The following RBMS3 variants were observed in gnomAD, a reference collection of about 807,000 sequenced individuals.
RBMS3 encodes RNA-binding motif, single-stranded-interacting protein 3.
A neutral mutation model predicts 66.8 loss-of-function variants in RBMS3; 27 were observed. The ratio of observed to expected loss-of-function variants is 0.40; its 90% confidence interval spans 0.30 to 0.56. RBMS3 has a LOEUF of 0.56. Ranked by LOEUF, RBMS3 falls within the 20% of genes least tolerant of loss-of-function variation. The pLI is 0.40. For missense variants in RBMS3, 513 were observed against 549.5 expected, an observed-to-expected ratio of 0.93 and a Z score of 0.66; for synonymous variants, 188 against 183.0, an observed-to-expected ratio of 1.03 and a Z score of -0.22.
intron 4 of RBMS3, among the ~76,000 whole-genome samples, chr3:29,621,993 A>T (rs1489703339): frequency 1.3e-5 from 2 of 152,184 alleles, no homozygotes; most frequent in Non-Finnish European, 2.9e-5. Flanking sequence ...ATGAAATAAA[A>T]AATAAGATTT....
At chr3:29,508,233 G>T (rs2044261345) in intron 3 of RBMS3, among the ~76,000 whole-genome samples, 1 of 151,978 alleles carries the variant, frequency 6.6e-6, no homozygotes, top group Non-Finnish European at 1.5e-5. Flanking sequence ...TTAAGTTCTG[G>T]GGTACATGTG....
intron 10 of RBMS3, among the ~76,000 whole-genome samples, chr3:29,919,256 C>G (rs897714420): frequency 6.6e-6 from 1 of 152,028 alleles, no homozygotes; most frequent in African/African-American, 2.4e-5. Flanking sequence ...AAGACCATTC[C>G]CATTGAAAAA....
At chr3:29,382,353 A>G (rs992887966) in intron 1 of RBMS3, among the ~76,000 whole-genome samples, 10 of 152,190 alleles carry the variant, frequency 6.6e-5, no homozygotes, top group Non-Finnish European at 1.2e-4. Flanking sequence ...CAATGCCATG[A>G]ATGCTCCCAC....
At chr3:29,345,025 A>G (rs145055580) in intron 1 of RBMS3, among the ~76,000 whole-genome samples, 16 of 152,254 alleles carry the variant, frequency 1.1e-4, no homozygotes, top group Admixed American at 3.9e-4. Context: ...CATCCTGATA[A>G]CACCATTTAG....
chr3:29,762,973 A>C lies in RBMS3; in HGVS notation c.621A>C (p.Thr207=). The C allele has an allele frequency of 6.2e-7, 1 of 1,606,172 alleles. No homozygotes were observed. Among genetic ancestry groups the C allele is most frequent in the South Asian group, 1.1e-5 (1 of 90,192 alleles). ...IQHFNGKYLK[T]PPGIPAPSEP... is the part of the protein sequence containing the mutation. Reference sequence around the variant, plus strand: ...ATTTTAATGGAAAATATCTGAAAACACCACCAGGCATCCCAGGTAAGAAAT... The same window carrying C: ...ATTTTAATGGAAAATATCTGAAAACCCCACCAGGCATCCCAGGTAAGAAAT... The change falls in exon 6 of 15, where the codon ACA becomes ACC. Residue 207 remains threonine (T), a synonymous_variant. Transcript: ENST00000383767.
intron 6 of RBMS3, among the ~76,000 whole-genome samples, chr3:29,821,084 A>T (rs1484652842): frequency 6.6e-6 from 1 of 152,210 alleles, no homozygotes; most frequent in Non-Finnish European, 1.5e-5. Context: ...AAGTTCATAT[A>T]TCCCCTTGCT....
chr3:29,998,291 C>A (rs1699383362), intron 14 of RBMS3, among the ~76,000 whole-genome samples: 1 of 152,144 alleles, frequency 6.6e-6, no homozygotes, highest in Non-Finnish European at 1.5e-5. Context: ...GAAGAACATT[C>A]CATGCTCATG....
chr3:29,372,213 C>T (rs1176892676), intron 1 of RBMS3, among the ~76,000 whole-genome samples: 2 of 152,076 alleles, frequency 1.3e-5, no homozygotes, highest in Non-Finnish European at 2.9e-5. Context: ...ACCTGTAGTC[C>T]CAGCTACTCA....
intron 10 of RBMS3, among the ~76,000 whole-genome samples, chr3:29,932,063 G>A (rs1018598399): frequency 6.6e-6 from 1 of 151,970 alleles, no homozygotes; most frequent in Non-Finnish European, 1.5e-5. Flanking sequence ...ATTTCTATGA[G>A]TTCAAATGCA....
intron 1 of RBMS3, among the ~76,000 whole-genome samples, chr3:29,354,399 C>T (rs1460846075): frequency 6.6e-6 from 1 of 152,142 alleles, no homozygotes; most frequent in African/African-American, 2.4e-5. Flanking sequence ...TCTTGCTTCT[C>T]ATGGTCACAT....
At chr3:29,976,484 G>C (rs188740063) in intron 12 of RBMS3, among the ~76,000 whole-genome samples, 114 of 152,146 alleles carry the variant, frequency 7.5e-4, no homozygotes, top group Non-Finnish European at 1.4e-3. Flanking sequence ...ACTGTTACTA[G>C]TCTGGATAGA....
intron 3 of RBMS3, among the ~76,000 whole-genome samples, chr3:29,576,384 A>G (rs185108766): frequency 5.0e-4 from 76 of 152,300 alleles, no homozygotes; most frequent in African/African-American, 1.7e-3. Context: ...GGATTGACCC[A>G]GTGTGGTTCC....
chr3:29,755,287 T>A (rs1370082680), intron 5 of RBMS3, among the ~76,000 whole-genome samples: 1 of 152,202 alleles, frequency 6.6e-6, no homozygotes, highest in Non-Finnish European at 1.5e-5. Context: ...CTGGGGATAA[T>A]CAGGTAATCC....
At chr3:29,921,495 AG>A (rs1559801830) in intron 10 of RBMS3, among the ~76,000 whole-genome samples, 2 of 13,562 alleles carry the variant, frequency 1.5e-4, no homozygotes, top group African/African-American at 3.1e-4. Flanking sequence ...ACTGTTTGGC[AG>A]GGGGGTGGGG....
chr3:29,985,851 T>A (rs952909722), intron 12 of RBMS3, among the ~76,000 whole-genome samples: 1 of 152,156 alleles, frequency 6.6e-6, no homozygotes, highest in Non-Finnish European at 1.5e-5. Context: ...AACTCCAGTT[T>A]GGCAAGGAAA....
At chr3:29,652,519 A>G (rs993602011) in intron 4 of RBMS3, among the ~76,000 whole-genome samples, 7 of 152,042 alleles carry the variant, frequency 4.6e-5, no homozygotes, top group Non-Finnish European at 8.8e-5. Context: ...CCTGCTAGTG[A>G]TCTTGGGGAG....
At chr3:29,876,314 T>A (rs894292231) in intron 7 of RBMS3, among the ~76,000 whole-genome samples, 4 of 152,038 alleles carry the variant, frequency 2.6e-5, no homozygotes, top group Non-Finnish European at 4.4e-5. Flanking sequence ...CTAAAAAAAA[T>A]TATCTTTAGA....
Position 29,991,116 on chromosome 3 carries a change from C to A in RBMS3, c.1214C>A (p.Ala405Glu). 6.2e-7 allele frequency: 1 copy of A among 1,614,134 alleles called. No homozygotes were observed. The highest frequency in any genetic ancestry group is 8.5e-7 in the Non-Finnish European group (1 of 1,180,024). ...VVADTSPQTV[A>E]PSSQDTSGQQ... is the part of the protein sequence containing the mutation. Reference sequence around the variant, plus strand: ...GCTGATACCTCTCCCCAGACAGTGGCACCTTCATCCCAGGACACCAGTGGT... The same window carrying A: ...GCTGATACCTCTCCCCAGACAGTGGAACCTTCATCCCAGGACACCAGTGGT... The change falls in exon 14 of 15, where the codon GCA becomes GAA. Residue 405 changes from alanine (A) to glutamate (E), a missense_variant. Physicochemically the swap from Ala to Glu is moderately radical, Grantham distance 107. Transcript: ENST00000383767.
chr3:29,559,559 C>T (rs1428389956), intron 3 of RBMS3, among the ~76,000 whole-genome samples: 1 of 104,732 alleles, frequency 9.5e-6, no homozygotes, highest in Non-Finnish European at 1.9e-5. Flanking sequence ...AAAAACCTGA[C>T]TATTCATGTT....
Sources: gnomAD v4.1 joint callset for allele counts (sites outside exome capture counted in the v4.1 genomes callset) on GRCh38, gnomAD v4.1.1 for gene constraint, MANE v1.5 for transcripts, NCBI Gene and HGNC (gene_info 2026-07-23, HGNC 2026-07-21) for gene names.